Variants in CDH9 observed in about 807,000 individuals in gnomAD.
CDH9 encodes cadherin-9.
CDH9 carries 28 observed loss-of-function variants against 70.9 expected under a neutral mutation model. The observed-to-expected ratio is 0.40, with a 90% CI of 0.29 to 0.54. CDH9 has a LOEUF of 0.54. Among genes scored for constraint, CDH9 ranks in the 20% least tolerant of loss-of-function variants. The pLI is 0.59. For missense variants in CDH9, 874 were observed against 984.4 expected (o/e 0.89, Z 1.50); for synonymous variants, 409 against 343.1 (o/e 1.19, Z -2.12).
At chr5:26,997,750 A>G (rs1195316100) in intron 1 of CDH9, among the ~76,000 whole-genome samples, 1 of 151,164 alleles carries the variant, frequency 6.6e-6, no homozygotes, top group East Asian at 2.0e-4. Flanking sequence ...TCCAGGCTGG[A>G]GTGCAGTGGT....
At position 27,034,580 on chromosome 5, in the gene CDH9, T is replaced by TAC. The variant is rs138233111; in HGVS notation, c.-50+3881_-50+3882dup. Among the ~76,000 whole-genome samples, 778 of 149,998 alleles carry TAC rather than the reference T, an allele frequency of 5.2e-3. 3 individuals are homozygous for TAC. Among genetic ancestry groups the TAC allele is most frequent in the African/African-American group, 0.011 (439 of 41,140 alleles). ...ATAAATAAATAATACATCTCTCTCT[T>TAC]ACACACACACACACACGCACACAGA... On this transcript the variant is annotated intron_variant, in intron 1 of 11. Transcript: ENST00000231021.
At chr5:26,960,702 A>G (rs887661448) in intron 2 of CDH9, among the ~76,000 whole-genome samples, 3 of 151,992 alleles carry the variant, frequency 2.0e-5, no homozygotes, top group Non-Finnish European at 4.4e-5. Context: ...TATAATTGTA[A>G]ATCTTATTTA....
At chr5:26,955,098 TC>T (rs1265850793) in intron 2 of CDH9, among the ~76,000 whole-genome samples, 9 of 152,254 alleles carry the variant, frequency 5.9e-5, no homozygotes, top group Non-Finnish European at 1.0e-4. Context: ...AAGCTGTTAC[TC>T]ACTGTAACTT....
chr5:27,034,602 C>G (rs1743361085), intron 1 of CDH9, among the ~76,000 whole-genome samples: 1 of 151,508 alleles, frequency 6.6e-6, no homozygotes, highest in African/African-American at 2.4e-5. Context: ...CACACGCACA[C>G]AGAGCATCTG....
chr5:27,009,614 A>G (rs1176394034), intron 1 of CDH9, among the ~76,000 whole-genome samples: 1 of 152,090 alleles, frequency 6.6e-6, no homozygotes, highest in Non-Finnish European at 1.5e-5. Flanking sequence ...GGCAATGGAT[A>G]CTATATATAC....
intron 2 of CDH9, among the ~76,000 whole-genome samples, chr5:26,953,947 AAC>A (rs143498199): frequency 2.6e-5 from 4 of 151,790 alleles, no homozygotes; most frequent in Admixed American, 1.3e-4. Flanking sequence ...TGAAACATAA[AAC>A]ACACACACAC....
chr5:27,017,581 G>GTGTT lies in CDH9; in HGVS notation c.-50+20878_-50+20881dup, dbSNP rs371119984. Among the ~76,000 whole-genome samples the GTGTT allele has an allele frequency of 7.8e-3, 1,191 of 151,936 alleles. 21 individuals carry two copies. The highest frequency in any genetic ancestry group is 0.027 in the African/African-American group (1,126 of 41,476). The stretch of plus-strand genomic sequence containing the variant: ...GACCTAACTTAGTTCTTTAGTGTTT[G>GTGTT]TGTTTGTTTGTTTGTTTTAGTTTTA... On this transcript the variant is annotated intron_variant, in intron 1 of 11. Coordinates refer to ENST00000231021, the MANE Select transcript of CDH9 (RefSeq NM_016279.4).
intron 7 of CDH9, among the ~76,000 whole-genome samples, chr5:26,893,337 G>A (rs1740693031): frequency 6.6e-6 from 1 of 152,018 alleles, no homozygotes; most frequent in African/African-American, 2.4e-5. Context: ...TCATCTCAGT[G>A]GTGGAATGGC....
intron 7 of CDH9, among the ~76,000 whole-genome samples, chr5:26,896,094 T>G (rs1325471223): frequency 6.6e-6 from 1 of 152,030 alleles, no homozygotes; most frequent in Non-Finnish European, 1.5e-5. Context: ...TTTCCACTCC[T>G]TATAATAATC....
At chr5:26,908,805 T>C (rs1055821509) in intron 3 of CDH9, among the ~76,000 whole-genome samples, 4 of 152,172 alleles carry the variant, frequency 2.6e-5, no homozygotes, top group African/African-American at 4.8e-5. Context: ...TAATTAAGAA[T>C]GCTTTTAAAC....
At chr5:26,990,145 A>G (rs1311614281) in intron 1 of CDH9, among the ~76,000 whole-genome samples, 1 of 152,194 alleles carries the variant, frequency 6.6e-6, no homozygotes, top group African/African-American at 2.4e-5. Context: ...CATCATGATC[A>G]TCACAACCAT....
intron 2 of CDH9, among the ~76,000 whole-genome samples, chr5:26,917,612 C>T (rs925640000): frequency 6.6e-6 from 1 of 152,002 alleles, no homozygotes; most frequent in African/African-American, 2.4e-5. Flanking sequence ...TTTACACCTC[C>T]TTTGCAAGCT....
chr5:27,017,560 T>G (rs1743066544), intron 1 of CDH9, among the ~76,000 whole-genome samples: 1 of 152,012 alleles, frequency 6.6e-6, no homozygotes, highest in African/African-American at 2.4e-5. Context: ...GCCTAAGACC[T>G]AACTTAGTTC....
At position 26,988,283 on chromosome 5, in the gene CDH9, A is replaced by T; in HGVS notation, c.51T>A (p.His17Gln). The stretch of plus-strand genomic sequence containing the variant: ...CTTGTAATAGGATGGTGTCAACTGT[A>T]TGGAACATATAGGTCCAGATGAATA... ...IPLFIWTYMFHTVDTILLQEK... is the reference protein window; with the variant it reads ...IPLFIWTYMFQTVDTILLQEK... The change falls in exon 2 of 12, where the codon CAT (histidine) becomes CAA (glutamine). Residue 17 changes from histidine (H) to glutamine (Q), a missense_variant. Physicochemically the swap from His to Gln is conservative, Grantham distance 24. Transcript: ENST00000231021. 3 of 1,613,342 alleles carry T rather than the reference A, an allele frequency of 1.9e-6. No individual in the cohort carries two copies. Among genetic ancestry groups the T allele is most frequent in the South Asian group, 1.1e-5 (1 of 91,068 alleles).
chr5:27,010,653 A>G (rs1299815028), intron 1 of CDH9, among the ~76,000 whole-genome samples: 2 of 151,804 alleles, frequency 1.3e-5, no homozygotes, highest in African/African-American at 2.4e-5. Flanking sequence ...CAAATGTTAC[A>G]CCTTCGAGAA....
chr5:26,893,340 G>C (rs6895743), intron 7 of CDH9, among the ~76,000 whole-genome samples: 1 of 151,826 alleles, frequency 6.6e-6, no homozygotes, highest in Non-Finnish European at 1.5e-5. Flanking sequence ...TCTCAGTGGT[G>C]GAATGGCTAA....
At chr5:26,922,794 T>G (rs2112013857) in intron 2 of CDH9, among the ~76,000 whole-genome samples, 1 of 151,954 alleles carries the variant, frequency 6.6e-6, no homozygotes, top group East Asian at 1.9e-4. Flanking sequence ...TACAACTTTT[T>G]AAGACATAGT....
chr5:27,004,871 T>C (rs969690413), intron 1 of CDH9, among the ~76,000 whole-genome samples: 2 of 152,182 alleles, frequency 1.3e-5, no homozygotes, highest in African/African-American at 4.8e-5. Flanking sequence ...TTTTTAATAC[T>C]GAGATTTATC....
At chr5:26,886,306 G>A (rs1011932215) in intron 9 of CDH9, among the ~76,000 whole-genome samples, 2 of 152,048 alleles carry the variant, frequency 1.3e-5, no homozygotes, top group African/African-American at 4.8e-5. Context: ...ATTAAGCAAT[G>A]GTTTGCAAGG....
Sources: allele counts gnomAD v4.1 joint callset (sites outside exome capture counted in the v4.1 genomes callset), GRCh38; gene constraint gnomAD v4.1.1; transcripts MANE v1.5; gene names NCBI Gene and HGNC (gene_info 2026-07-23, HGNC 2026-07-21).